The following UBE3D variants were observed in gnomAD, a reference collection of about 807,000 sequenced individuals.
UBE3D encodes E3 ubiquitin-protein ligase E3D.
Under a neutral mutation model 49.6 loss-of-function variants are expected in UBE3D, and 48 were observed. The ratio of observed to expected loss-of-function variants is 0.97; its 90% CI spans 0.77 to 1.23. UBE3D has a LOEUF of 1.23. Among genes scored for constraint, UBE3D ranks in the 50% most tolerant of loss-of-function variants. The pLI is 0.00. For missense variants in UBE3D, 452 were observed against 468.4 expected, an observed-to-expected ratio of 0.96 and a Z score of 0.32; for synonymous variants, 189 against 174.2, an observed-to-expected ratio of 1.08 and a Z score of -0.67.
intron 8 of UBE3D, among the ~76,000 whole-genome samples, chr6:83,005,311 T>TA (rs547244727): frequency 0.013 from 1,894 of 146,094 alleles, 33 homozygotes; most frequent in African/African-American, 0.038. Flanking sequence ...CGGCTATTAT[T>TA]AAAAAAAAAA....
intron 9 of UBE3D, among the ~76,000 whole-genome samples, chr6:82,899,415 C>T (rs1279756702): frequency 1.3e-5 from 2 of 152,070 alleles, no homozygotes; most frequent in African/African-American, 4.8e-5. Context: ...GGTGGGTGTC[C>T]GTAAATTAAA....
At chr6:82,897,123 C>A (rs916944093) in intron 9 of UBE3D, among the ~76,000 whole-genome samples, 3 of 151,856 alleles carry the variant, frequency 2.0e-5, no homozygotes, top group Non-Finnish European at 4.4e-5. Flanking sequence ...ACTAAGTAGA[C>A]AGACACAAAT....
At chr6:82,883,241 T>C in the UBE3D span, among the ~76,000 whole-genome samples, 1 of 152,172 alleles carries the variant, frequency 6.6e-6, no homozygotes, top group Non-Finnish European at 1.5e-5. Flanking sequence ...AAGGAAAATG[T>C]CTCTTAGAGG....
chr6:83,062,654 A>G (rs1465171857), intron 1 of UBE3D, among the ~76,000 whole-genome samples: 2 of 152,186 alleles, frequency 1.3e-5, no homozygotes, highest in Admixed American at 6.5e-5. Flanking sequence ...ACCCAACTAT[A>G]TATTTTTAAA....
intron 4 of UBE3D, among the ~76,000 whole-genome samples, chr6:83,040,827 G>A (rs1782621005): frequency 6.6e-6 from 1 of 152,216 alleles, no homozygotes; most frequent in South Asian, 2.1e-4. Context: ...CAAATGGCAG[G>A]TCTCAGAGCC....
At chr6:83,024,550 G>C (rs530714637) in intron 5 of UBE3D, among the ~76,000 whole-genome samples, 2 of 152,202 alleles carry the variant, frequency 1.3e-5, no homozygotes, top group African/African-American at 4.8e-5. Context: ...GTTAATTTGA[G>C]TTAAGCACTC....
chr6:82,952,666 C>G (rs999722289), intron 9 of UBE3D, among the ~76,000 whole-genome samples: 1 of 152,032 alleles, frequency 6.6e-6, no homozygotes, highest in Non-Finnish European at 1.5e-5. Context: ...TCTAGTGATC[C>G]TCCTGCTTCA....
intron 8 of UBE3D, among the ~76,000 whole-genome samples, chr6:82,998,992 C>A (rs1238943232): frequency 6.6e-6 from 1 of 152,104 alleles, no homozygotes; most frequent in East Asian, 1.9e-4. Context: ...CTATGCCTAC[C>A]AAGTCCACAC....
At chr6:82,883,361 C>G in the UBE3D span, among the ~76,000 whole-genome samples, 1 of 152,080 alleles carries the variant, frequency 6.6e-6, no homozygotes, top group Non-Finnish European at 1.5e-5. Context: ...ACCCTATTGA[C>G]CCAACTTCTC....
chr6:82,964,239 G>A (rs116883807), intron 8 of UBE3D, among the ~76,000 whole-genome samples: 1,576 of 152,262 alleles, frequency 0.01, 13 homozygotes, highest in Admixed American at 0.018. Context: ...AACATAAATG[G>A]TGAAATTGAG....
intron 9 of UBE3D, among the ~76,000 whole-genome samples, chr6:82,951,873 T>G (rs1775823509): frequency 1.3e-5 from 2 of 152,156 alleles, no homozygotes; most frequent in Non-Finnish European, 2.9e-5. Flanking sequence ...CCTCTAAAAC[T>G]GCAGCACTAC....
chr6:83,059,505 A>G (rs185746402), intron 1 of UBE3D, among the ~76,000 whole-genome samples: 44 of 152,320 alleles, frequency 2.9e-4, no homozygotes, highest in Admixed American at 2.1e-3. Context: ...AAGATAACAC[A>G]ATGTCCATTT....
At chr6:82,913,968 C>T (rs773970107) in intron 9 of UBE3D, among the ~76,000 whole-genome samples, 2 of 152,140 alleles carry the variant, frequency 1.3e-5, no homozygotes, top group Non-Finnish European at 2.9e-5. Context: ...CACTTTGGCT[C>T]ACAGAATTAC....
At chr6:82,956,524 GGA>G (rs936064701) in intron 9 of UBE3D, among the ~76,000 whole-genome samples, 1 of 152,196 alleles carries the variant, frequency 6.6e-6, no homozygotes, top group Non-Finnish European at 1.5e-5. Context: ...AGAGGGCTAA[GGA>G]GAGAGAGGGA....
At chr6:82,895,179 C>T (rs1429899455) in intron 9 of UBE3D, among the ~76,000 whole-genome samples, 1 of 152,006 alleles carries the variant, frequency 6.6e-6, no homozygotes, top group Admixed American at 6.6e-5. Flanking sequence ...GGCATGGTGG[C>T]AGGTACCTGT....
intron 9 of UBE3D, among the ~76,000 whole-genome samples, chr6:82,901,176 G>C (rs1402720517): frequency 6.6e-6 from 1 of 151,806 alleles, no homozygotes; most frequent in East Asian, 1.9e-4. Flanking sequence ...GAAACTAAAT[G>C]TAATATGTAT....
intron 7 of UBE3D, among the ~76,000 whole-genome samples, chr6:83,021,608 T>C (rs1302748125): frequency 1.3e-5 from 2 of 152,040 alleles, no homozygotes; most frequent in Non-Finnish European, 2.9e-5. Flanking sequence ...GGCTCATGCC[T>C]GTAATCCCAG....
chr6:83,059,979 A>G (rs1213770592), intron 1 of UBE3D, among the ~76,000 whole-genome samples: 1 of 152,120 alleles, frequency 6.6e-6, no homozygotes, highest in East Asian at 1.9e-4. Context: ...AATACTATAG[A>G]TGGGTGGCTT....
intron 7 of UBE3D, among the ~76,000 whole-genome samples, chr6:83,019,813 T>C (rs1401571488): frequency 2.6e-5 from 4 of 152,238 alleles, no homozygotes; most frequent in African/African-American, 9.6e-5. Context: ...GAGTTTGTTC[T>C]ACCTTGAGAC....
Sources: allele counts gnomAD v4.1 joint callset (sites outside exome capture counted in the v4.1 genomes callset), GRCh38; gene constraint gnomAD v4.1.1; transcripts MANE v1.5; gene names NCBI Gene and HGNC (gene_info 2026-07-23, HGNC 2026-07-21).